Variants in MACIR observed in about 807,000 individuals in gnomAD.
The protein encoded by MACIR is macrophage immunometabolism regulator.
Under a neutral mutation model 14.3 loss-of-function variants are expected in MACIR, and 4 were observed. The ratio of observed to expected loss-of-function variants is 0.28; its 90% CI spans 0.14 to 0.64. The LOEUF (loss-of-function observed/expected upper bound fraction) is 0.64. MACIR is among the 30% of genes least tolerant of loss of function. The pLI is 0.83. For synonymous variants in MACIR, 101 were observed against 102.4 expected, an observed-to-expected ratio of 0.99 and a Z score of 0.08; for missense variants, 228 against 257.6, an observed-to-expected ratio of 0.89 and a Z score of 0.79.
In MACIR at chr5:103,278,432, A is replaced by T. The variant is rs976443117; in HGVS notation, c.*1892A>T. The T allele has an allele frequency of 4.8e-5, 8 of 167,110 alleles. No homozygotes were observed. Among genetic ancestry groups the T allele is most frequent in the African/African-American group, 1.9e-4 (8 of 41,470 alleles). The allele number at this position is 167,110 out of a possible 1,614,324, so 10.4% of individuals were successfully genotyped here. On this transcript the variant is annotated 3_prime_UTR_variant, in exon 3 of 3. Transcript: ENST00000319933. The stretch of plus-strand genomic sequence containing the variant: ...TCAACAGGCTACTTACTGTTCAAGA[A>T]TTCCACTGAAGCACTTATTTTAAGG...
chr5:103,259,791 G>C (rs1448615082), intron 1 of MACIR: 1 of 152,274 alleles, frequency 6.6e-6, no homozygotes, highest in African/African-American at 2.4e-5. Flanking sequence ...CTTTGGGGCA[G>C]GTGGGAAGCG....
intron 2 of MACIR, among the ~76,000 whole-genome samples, chr5:103,273,631 CT>C (rs1319942140): frequency 6.6e-6 from 1 of 152,142 alleles, no homozygotes; most frequent in Non-Finnish European, 1.5e-5. Flanking sequence ...TGGGGAAAAA[CT>C]TTTGATGATT....
At chr5:103,275,757 G>A (rs2149934860) in intron 2 of MACIR, 140 bp from the exon 3 acceptor site, 1 of 671,128 alleles carries the variant, frequency 1.5e-6, no homozygotes, top group South Asian at 2.2e-5. Flanking sequence ...ACGTTTAGTA[G>A]ACATAGTTAC....
intron 2 of MACIR, among the ~76,000 whole-genome samples, chr5:103,271,162 T>C (rs1299794711): frequency 6.6e-6 from 1 of 152,170 alleles, no homozygotes; most frequent in Non-Finnish European, 1.5e-5. Flanking sequence ...AAGCAATTAA[T>C]TTTTTGAGTT....
chr5:103,260,610 A>G (rs1804646121), intron 1 of MACIR, among the ~76,000 whole-genome samples: 1 of 152,254 alleles, frequency 6.6e-6, no homozygotes, highest in Non-Finnish European at 1.5e-5. Context: ...TGAAAGTGTT[A>G]GTAATTATTT....
At chr5:103,263,520 A>G (rs1290606735) in intron 1 of MACIR, among the ~76,000 whole-genome samples, 2 of 152,192 alleles carry the variant, frequency 1.3e-5, no homozygotes, top group East Asian at 1.9e-4. Context: ...AATCCAGACT[A>G]AAGTTTTAGT....
At chr5:103,273,030 G>C (rs1015967317) in intron 2 of MACIR, among the ~76,000 whole-genome samples, 37 of 152,166 alleles carry the variant, frequency 2.4e-4, no homozygotes, top group African/African-American at 8.7e-4. Flanking sequence ...CCTGCGCCTT[G>C]AGACTCTCCC....
chr5:103,265,476 G>C (rs1554236673), intron 1 of MACIR, among the ~76,000 whole-genome samples: 1 of 152,172 alleles, frequency 6.6e-6, no homozygotes, highest in African/African-American at 2.4e-5. Flanking sequence ...GCAGGGTCAA[G>C]AGGCAGAGTT....
In MACIR at chr5:103,262,355, C is replaced by T. The variant is rs1053330164; in HGVS notation, c.-114+3459C>T. Among the ~76,000 whole-genome samples the T allele has an allele frequency of 5.3e-5, 8 of 152,042 alleles. No homozygotes were observed. The South Asian group carries it at 1.7e-3, about 32-fold the overall frequency. On this transcript the variant is annotated intron_variant, in intron 1 of 2. Transcript: ENST00000319933. ...CACCGTTCAAGCAGAAGGGTGTTTC[C>T]CTTTTTAAAAAAGTCATTGCCTTTC...
At chr5:103,269,728 A>T (rs1260440816) in intron 2 of MACIR, among the ~76,000 whole-genome samples, 1 of 151,878 alleles carries the variant, frequency 6.6e-6, no homozygotes, top group Non-Finnish European at 1.5e-5. Context: ...TACTTTCTTG[A>T]CTGTTCTTCT....
intron 2 of MACIR, among the ~76,000 whole-genome samples, chr5:103,269,157 A>C (rs142582441): frequency 1.3e-5 from 2 of 152,232 alleles, no homozygotes; most frequent in African/African-American, 4.8e-5. Flanking sequence ...GCAGTGAGCT[A>C]TCATTGCCCT....
At chr5:103,275,693 T>C (rs574700746) in intron 2 of MACIR, among the ~76,000 whole-genome samples, 1 of 152,310 alleles carries the variant, frequency 6.6e-6, no homozygotes. Context: ...TAATTTAACT[T>C]GCCTTTCAGT....
chr5:103,267,840 C>A (rs1278765682), intron 2 of MACIR, among the ~76,000 whole-genome samples: 3 of 152,042 alleles, frequency 2.0e-5, no homozygotes, highest in East Asian at 1.9e-4. Flanking sequence ...ATTTTCATCA[C>A]CCCCCAAAAT....
chr5:103,262,634 CTT>C (rs1465894746), intron 1 of MACIR, among the ~76,000 whole-genome samples: 3 of 152,174 alleles, frequency 2.0e-5, no homozygotes, highest in African/African-American at 7.2e-5. Flanking sequence ...TGTTGGGTGT[CTT>C]TTGCTTAGTC....
At chr5:103,266,649 T>G (rs1804933683) in intron 2 of MACIR, among the ~76,000 whole-genome samples, 1 of 152,150 alleles carries the variant, frequency 6.6e-6, no homozygotes, top group African/African-American at 2.4e-5. Context: ...CTATGGTAGC[T>G]CTTTAGCATC....
At chr5:103,259,221 G>C (rs1554235933) in intron 1 of MACIR, 2 of 152,390 alleles carry the variant, frequency 1.3e-5, no homozygotes, top group Non-Finnish European at 2.9e-5. Context: ...GGTGCGGGGA[G>C]CTTGCGGTTC....
At chr5:103,272,208 A>C (rs1805157796) in intron 2 of MACIR, among the ~76,000 whole-genome samples, 1 of 152,208 alleles carries the variant, frequency 6.6e-6, no homozygotes, top group Non-Finnish European at 1.5e-5. Flanking sequence ...TGAAGAATAT[A>C]CTGCTAAACA....
intron 1 of MACIR, among the ~76,000 whole-genome samples, chr5:103,262,974 TTTTA>T (rs570614240): frequency 1.3e-5 from 2 of 152,184 alleles, no homozygotes; most frequent in Non-Finnish European, 2.9e-5. Context: ...AATTATAGAT[TTTTA>T]AAGTATTCTA....
intron 2 of MACIR, among the ~76,000 whole-genome samples, chr5:103,267,130 A>ATATATAGG (rs1804954222): frequency 1.3e-5 from 2 of 152,070 alleles, no homozygotes; most frequent in African/African-American, 4.8e-5. Context: ...GTATATACCT[A>ATATATAGG]TATTTATACA....
Sources: gnomAD v4.1 joint callset for allele counts (sites outside exome capture counted in the v4.1 genomes callset) on GRCh38, gnomAD v4.1.1 for gene constraint, MANE v1.5 for transcripts, NCBI Gene and HGNC (gene_info 2026-07-23, HGNC 2026-07-21) for gene names.